The following PRDM11 variants were observed in gnomAD, a reference collection of about 807,000 sequenced individuals.
The protein encoded by PRDM11 is PR domain-containing protein 11.
In PRDM11, 20 loss-of-function variants were observed where a neutral mutation model predicts 97.8. That is an observed-to-expected ratio of 0.20 (90% confidence interval 0.14 to 0.30). PRDM11 has a LOEUF of 0.30. Ranked by LOEUF, PRDM11 falls within the 10% of genes least tolerant of loss-of-function variation. PRDM11 has a pLI of 1.00. For missense variants in PRDM11, 1,139 were observed against 1,555.2 expected (o/e 0.73, Z 4.50); for synonymous variants, 599 against 637.7 (o/e 0.94, Z 0.91).
At chr11:45,138,021 G>C (rs189894966) in intron 1 of PRDM11, among the ~76,000 whole-genome samples, 2 of 152,106 alleles carry the variant, frequency 1.3e-5, no homozygotes, top group Non-Finnish European at 2.9e-5. Context: ...CACCACACGG[G>C]GAAAACACAG....
At chr11:45,213,982 A>T (rs1194507598) in intron 5 of PRDM11, 1 of 339,058 alleles carries the variant, frequency 2.9e-6, no homozygotes, top group Non-Finnish European at 5.8e-6. Context: ...GTGAGGTGGG[A>T]GGCACCTAGC....
intron 5 of PRDM11, among the ~76,000 whole-genome samples, chr11:45,218,490 C>G (rs1854020177): frequency 6.6e-6 from 1 of 152,194 alleles, no homozygotes; most frequent in African/African-American, 2.4e-5. Context: ...CTGGACTTTT[C>G]CAGATATAAT....
intron 1 of PRDM11, among the ~76,000 whole-genome samples, chr11:45,137,777 C>G (rs1852903766): frequency 6.6e-6 from 1 of 152,172 alleles, no homozygotes; most frequent in Admixed American, 6.5e-5. Flanking sequence ...AGCAAGCAAA[C>G]AGATGGGTAA....
chr11:45,146,057 T>A (rs1851500676), upstream of PRDM11, among the ~76,000 whole-genome samples: 1 of 152,220 alleles, frequency 6.6e-6, no homozygotes, highest in African/African-American at 2.4e-5. Context: ...CATGTGCGAT[T>A]CGTGACTACA....
chr11:45,188,197 T>C (rs1852778855), intron 4 of PRDM11, among the ~76,000 whole-genome samples: 1 of 152,198 alleles, frequency 6.6e-6, no homozygotes, highest in Non-Finnish European at 1.5e-5. Context: ...GCTGTTAATG[T>C]TTATTGAGCA....
chr11:45,131,293 T>A (rs1334965128), intron 1 of PRDM11, among the ~76,000 whole-genome samples: 1 of 152,210 alleles, frequency 6.6e-6, no homozygotes, highest in Non-Finnish European at 1.5e-5. Flanking sequence ...ATGCTCTGTT[T>A]CTTGATTTGG....
intron 1 of PRDM11, among the ~76,000 whole-genome samples, chr11:45,153,204 G>A (rs548006704): frequency 6.5e-4 from 99 of 152,314 alleles, no homozygotes; most frequent in South Asian, 3.3e-3. Context: ...GAGGGGACCC[G>A]CAGATAAAAT....
chr11:45,143,533 G>A (rs907458753), upstream of PRDM11, among the ~76,000 whole-genome samples: 3 of 152,116 alleles, frequency 2.0e-5, no homozygotes, highest in Non-Finnish European at 2.9e-5. Flanking sequence ...ACGCTCAAGG[G>A]AGAAATTAAG....
intron 1 of PRDM11, among the ~76,000 whole-genome samples, chr11:45,147,177 T>C (rs1245107009): frequency 6.6e-6 from 1 of 151,676 alleles, no homozygotes; most frequent in Non-Finnish European, 1.5e-5. Flanking sequence ...CTCGCCTTGT[T>C]ACAATGTAGC....
At chr11:45,216,985 AAGG>A (rs1219397145) in intron 5 of PRDM11, among the ~76,000 whole-genome samples, 4 of 152,228 alleles carry the variant, frequency 2.6e-5, no homozygotes. Flanking sequence ...GGAAGAAAAA[AAGG>A]AGAAGACAGT....
Position 45,227,099 on chromosome 11 carries a change from T to C in PRDM11, c.2474T>C (p.Val825Ala), listed in dbSNP as rs1178519017. 1 of 1,533,922 alleles carries C rather than the reference T, an allele frequency of 6.5e-7. No individual in the cohort carries two copies. The change falls in exon 8 of 8, where the codon GTG (valine) becomes GCG (alanine). Residue 825 changes from valine to alanine, a missense_variant. Coordinates refer to ENST00000683152, the MANE Select transcript of PRDM11 (RefSeq NM_001384648.1). This position sits in a 1 kb window ranked among gnomAD's most constrained non-coding sequence, Gnocchi z 8.0. Reference protein sequence around the residue: ...ETEFLGDIRAVRWIIGEQNVL... With the variant: ...ETEFLGDIRAARWIIGEQNVL... The stretch of plus-strand genomic sequence containing the variant: ...GAGTTCCTGGGCGATATCCGGGCAG[T>C]GCGGTGGATCATCGGCGAGCAGAAC...
At chr11:45,099,450 TA>T (rs532403075) in intron 1 of PRDM11, among the ~76,000 whole-genome samples, 2,902 of 95,152 alleles carry the variant, frequency 0.03, 56 homozygotes, top group African/African-American at 0.071. Context: ...GACTCCATCT[TA>T]AAAAAAAAAA....
intron 1 of PRDM11, among the ~76,000 whole-genome samples, chr11:45,171,684 A>G (rs1386924104): frequency 1.3e-5 from 2 of 152,182 alleles, no homozygotes; most frequent in African/African-American, 2.4e-5. Flanking sequence ...TGCCCCTTTG[A>G]TAGGGCAGTG....
rs1554963213 is a variant in PRDM11, at chr11:45,101,567, AAAG to A, written c.96+5697_96+5699del. On this transcript the variant is annotated intron_variant, in intron 1 of 6. Coordinates refer to the PRDM11 transcript ENST00000530656. ...CAACACTCTGTCTCAAAAAAAAAAA[AAAG>A]AAGAAGAAGAAGAAGAAGAAGAAGA... is the stretch of plus-strand genomic sequence containing the variant. 9.9e-3 allele frequency among the ~76,000 whole-genome samples: 962 copies of A among 96,828 alleles called. 28 individuals carry two copies. The highest frequency in any genetic ancestry group is 0.029 in the South Asian group (102 of 3,560). 63.5% of individuals were successfully genotyped at this position (96,828 alleles called of 152,430 possible). A position where few individuals can be genotyped will look rare whatever the true frequency, so the allele number is the denominator to read the frequency against.
chr11:45,155,369 T>C (rs867473464), intron 1 of PRDM11, among the ~76,000 whole-genome samples: 31 of 152,130 alleles, frequency 2.0e-4, no homozygotes, highest in Admixed American at 1.3e-3. Context: ...GGAAGTGAGC[T>C]TCTCTTGGGA....
chr11:45,138,662 A>G (rs1247775215), intron 1 of PRDM11, among the ~76,000 whole-genome samples: 1 of 152,230 alleles, frequency 6.6e-6, no homozygotes, highest in African/African-American at 2.4e-5. Context: ...GCAACTCTCC[A>G]CTAAGGAAAA....
At chr11:45,145,135 T>C (rs1300720225), upstream of PRDM11, among the ~76,000 whole-genome samples, 1 of 152,168 alleles carries the variant, frequency 6.6e-6, no homozygotes, top group African/African-American at 2.4e-5. Flanking sequence ...CTGGGCCCTT[T>C]AAATACACTC....
rs1029044058 is a variant in PRDM11, at chr11:45,219,879, G to T, written c.742+122G>T. On this transcript the variant is annotated intron_variant, in intron 6 of 7. Transcript: ENST00000683152. The surrounding 1 kb of genome is among the most constrained non-coding windows in gnomAD (Gnocchi z 4.2). ...GCAATGGGAAGACCCAGAGTGATTC[G>T]GGGGAACAGATGGTTGAGGTCTGAG... is the stretch of plus-strand genomic sequence containing the variant. 5 of 1,221,610 alleles carry T rather than the reference G, an allele frequency of 4.1e-6. No homozygotes were observed. The African/African-American group carries it at 6.1e-5, about 15-fold the overall frequency. 75.7% of individuals were successfully genotyped at this position (1,221,610 alleles called of 1,614,324 possible).
intron 1 of PRDM11, among the ~76,000 whole-genome samples, chr11:45,096,327 C>T (rs1851886650): frequency 6.6e-6 from 1 of 152,168 alleles, no homozygotes; most frequent in South Asian, 2.1e-4. Context: ...TATTGAGCAC[C>T]TATTGTGTGC....
Sources: gnomAD v4.1 joint callset for allele counts (sites outside exome capture counted in the v4.1 genomes callset) on GRCh38, gnomAD v4.1.1 for gene constraint, Gnocchi (gnomAD v3.1) non-coding constraint, MANE v1.5 for transcripts, NCBI Gene and HGNC (gene_info 2026-07-23, HGNC 2026-07-21) for gene names.